The following ZFYVE16 variants were observed in gnomAD, a reference collection of about 807,000 sequenced individuals.
ZFYVE16 encodes zinc finger FYVE-type containing 16, also known as zinc finger FYVE domain-containing protein 16.
In ZFYVE16, 89 loss-of-function variants were observed where a neutral mutation model predicts 138.1. The ratio of observed to expected loss-of-function variants is 0.64; its 90% confidence interval spans 0.54 to 0.77. The LOEUF is 0.77. ZFYVE16 is among the 30% of genes least tolerant of loss of function. ZFYVE16 has a pLI of 0.00. For synonymous variants in ZFYVE16, 596 were observed against 618.3 expected (o/e 0.96, Z 0.53); for missense variants, 1,793 against 1,786.7 (o/e 1.00, Z -0.06).
intron 1 of ZFYVE16, among the ~76,000 whole-genome samples, chr5:80,418,040 G>A (rs1249787953): frequency 6.6e-6 from 1 of 152,142 alleles, no homozygotes; most frequent in Non-Finnish European, 1.5e-5. Flanking sequence ...AAAGACAAAT[G>A]ATGTTCAGCA....
chr5:80,445,426 C>T, intron 7 of ZFYVE16, 21 bp downstream of exon 7: 1 of 1,591,136 alleles, frequency 6.3e-7, no homozygotes, highest in Non-Finnish European at 8.5e-7. Context: ...CAAAGAATAA[C>T]TTAATTGACT....
At chr5:80,468,551 A>G (rs1753966460) in intron 15 of ZFYVE16, among the ~76,000 whole-genome samples, 1 of 152,142 alleles carries the variant, frequency 6.6e-6, no homozygotes, top group African/African-American at 2.4e-5. Context: ...CTGTACTATA[A>G]TCTTATGGGA....
chr5:80,447,918 TTTTA>T, intron 7 of ZFYVE16, 104 bp from the exon 8 acceptor site: 1 of 1,054,282 alleles, frequency 9.5e-7, no homozygotes, highest in East Asian at 2.9e-5. Flanking sequence ...GCATTTTGGT[TTTTA>T]TTTATTCTTA....
At chr5:80,429,353 C>T (rs1748631396) in intron 2 of ZFYVE16, among the ~76,000 whole-genome samples, 1 of 152,128 alleles carries the variant, frequency 6.6e-6, no homozygotes, top group Admixed American at 6.5e-5. Context: ...CCAAACTAAG[C>T]TTCATAAGTG....
At chr5:80,456,359 T>C (rs762006522) in intron 12 of ZFYVE16, 102 bp from the exon 13 acceptor site, 43 of 890,952 alleles carry the variant, frequency 4.8e-5, no homozygotes, top group Non-Finnish European at 7.2e-5. Context: ...GAGAATGATA[T>C]TCTTTATTAC....
Position 80,434,438 on chromosome 5 carries a change from A to G in ZFYVE16, c.70+221A>G, listed in dbSNP as rs181022250. 2.9e-3 allele frequency among the ~76,000 whole-genome samples: 445 copies of G among 152,300 alleles called. 2 individuals are homozygous for G. The highest frequency in any genetic ancestry group is 0.01 in the African/African-American group (427 of 41,568). Reference sequence around the variant, plus strand: ...TAAGGAACCTAGAAAGTTTTTTTCTAGATACAAATTAGCTATAAGACAGAC... The same window carrying G: ...TAAGGAACCTAGAAAGTTTTTTTCTGGATACAAATTAGCTATAAGACAGAC... On this transcript the variant is annotated intron_variant, in intron 3 of 18. Transcript: ENST00000505560.
intron 2 of ZFYVE16, among the ~76,000 whole-genome samples, chr5:80,431,019 G>A (rs892843516): frequency 7.9e-5 from 12 of 152,194 alleles, no homozygotes; most frequent in African/African-American, 2.7e-4. Context: ...ACAAGGAGGA[G>A]CTGGTACCAT....
At chr5:80,426,174 G>GAT (rs765586658) in intron 1 of ZFYVE16, among the ~76,000 whole-genome samples, 4,043 of 147,670 alleles carry the variant, frequency 0.027, 78 homozygotes, top group Middle Eastern at 0.046. Flanking sequence ...CCCGGATTGA[G>GAT]ATATATATAT....
At chr5:80,462,248 T>C in intron 15 of ZFYVE16, among the ~76,000 whole-genome samples, 1 of 152,214 alleles carries the variant, frequency 6.6e-6, no homozygotes, top group East Asian at 1.9e-4. Flanking sequence ...GGGTAATTTA[T>C]AAAAGACAGA....
intron 15 of ZFYVE16, among the ~76,000 whole-genome samples, chr5:80,470,035 G>A (rs1376766734): frequency 6.8e-6 from 1 of 147,848 alleles, no homozygotes; most frequent in Non-Finnish European, 1.5e-5. Flanking sequence ...ATATATGTGT[G>A]TATATATATG....
chr5:80,459,615 C>T (rs1752897113), intron 15 of ZFYVE16, 121 bp downstream of exon 15: 3 of 750,990 alleles, frequency 4.0e-6, no homozygotes, highest in East Asian at 2.9e-5. Context: ...CACAAACTTA[C>T]ATGAAATCAT....
At chr5:80,419,041 C>T (rs1278227887) in intron 1 of ZFYVE16, among the ~76,000 whole-genome samples, 1 of 149,574 alleles carries the variant, frequency 6.7e-6, no homozygotes, top group Non-Finnish European at 1.5e-5. Context: ...ATTGCCTTTG[C>T]TCCTTTGTCA....
At position 80,480,741 on chromosome 5, in the gene ZFYVE16, GGA is replaced by G. The variant is rs1755236189; in HGVS notation, c.*3367_*3368del. On this transcript the variant is annotated 3_prime_UTR_variant, in exon 19 of 19. Transcript: ENST00000505560. ...GTTGAGACCAGAGTGAGCAACACAG[GGA>G]GACACTGTCTCTGCAAAATTAAAAA... is the stretch of plus-strand genomic sequence containing the variant. Among the ~76,000 whole-genome samples, 1 of 151,902 alleles carries G rather than the reference GGA, an allele frequency of 6.6e-6. No homozygotes were observed. The highest frequency in any genetic ancestry group is 2.1e-4 in the South Asian group (1 of 4,796).
At chr5:80,466,639 A>T (rs999458092) in intron 15 of ZFYVE16, among the ~76,000 whole-genome samples, 2 of 152,122 alleles carry the variant, frequency 1.3e-5, no homozygotes, top group African/African-American at 4.8e-5. Flanking sequence ...CTTCATATAC[A>T]GGCCATATTT....
At chr5:80,441,925 G>A (rs191024958) in intron 5 of ZFYVE16, 4 of 985,112 alleles carry the variant, frequency 4.1e-6, no homozygotes, top group Admixed American at 6.2e-5. Flanking sequence ...CAGTATTCAG[G>A]CACTATTCTG....
rs139952257 is a variant in ZFYVE16, at chr5:80,439,899, T to C, written c.2323-37T>C. ...TGCCTCTAGTAGGTGTAAGTATTCT[T>C]GAAACAAAGACAAATTTGATATTTT... is the stretch of plus-strand genomic sequence containing the variant. On this transcript the variant is annotated intron_variant, in intron 4 of 18. Transcript: ENST00000505560. 8.1e-4 allele frequency: 1,270 copies of C among 1,575,454 alleles called. 7 individuals carry two copies. The African/African-American group carries it at 0.015, about 19-fold the overall frequency.
intron 15 of ZFYVE16, among the ~76,000 whole-genome samples, chr5:80,471,998 C>T (rs1754430044): frequency 6.6e-6 from 1 of 152,088 alleles, no homozygotes; most frequent in African/African-American, 2.4e-5. Flanking sequence ...AAAGTCTCTT[C>T]ACTTTGGTTG....
chr5:80,439,153 A>C, intron 4 of ZFYVE16, 146 bp downstream of exon 4: 2 of 883,602 alleles, frequency 2.3e-6, no homozygotes, highest in Non-Finnish European at 3.3e-6. Flanking sequence ...AGGGAAATAT[A>C]TAAAGCAGTG....
chr5:80,451,923 A>G (rs1752025693), intron 11 of ZFYVE16: 1 of 488,108 alleles, frequency 2.0e-6, no homozygotes. Flanking sequence ...AAGTTCTTTT[A>G]TTACCTAAAA....
Sources: allele counts gnomAD v4.1 joint callset (sites outside exome capture counted in the v4.1 genomes callset), GRCh38; gene constraint gnomAD v4.1.1; transcripts MANE v1.5; gene names NCBI Gene and HGNC (gene_info 2026-07-23, HGNC 2026-07-21).